Variants in NXN observed in about 807,000 individuals in gnomAD.
NXN encodes the protein nucleoredoxin 1.
In NXN, 16 loss-of-function variants were observed where a neutral mutation model predicts 48.6. The ratio of observed to expected loss-of-function variants is 0.33; its 90% CI spans 0.22 to 0.50. NXN has a LOEUF of 0.50. Ranked by LOEUF, NXN falls within the 20% of genes least tolerant of loss-of-function variation. The pLI is 0.98. For missense variants in NXN, 492 were observed against 605.5 expected, an observed-to-expected ratio of 0.81 and a Z score of 1.97; for synonymous variants, 281 against 269.6, an observed-to-expected ratio of 1.04 and a Z score of -0.41.
chr17:976,670 C>T (rs189354625), intron 1 of NXN, among the ~76,000 whole-genome samples: 3 of 152,088 alleles, frequency 2.0e-5, no homozygotes, highest in African/African-American at 7.2e-5. Flanking sequence ...CATTAGCTCA[C>T]GGGCTTCTAA....
rs574438339 is a variant in NXN, at chr17:824,408, G to A, written c.479-643C>T. Among the ~76,000 whole-genome samples the A allele has an allele frequency of 5.9e-5, 9 of 152,280 alleles. No individual in the cohort carries two copies. In the East Asian group the frequency reaches 1.5e-3, roughly 26 times the overall value. On this transcript the variant is annotated intron_variant, in intron 2 of 7. Transcript: ENST00000336868. ...CACATCCTGAGGCTGGAGACCCAGG[G>A]GCAACGCAAAGATGTACGTGCAAAA... is the stretch of plus-strand genomic sequence containing the variant.
chr17:890,352 G>A (rs1166774033), intron 1 of NXN, among the ~76,000 whole-genome samples: 1 of 152,024 alleles, frequency 6.6e-6, no homozygotes, highest in African/African-American at 2.4e-5. Context: ...CCAGCCCAAA[G>A]ATGCACCCAC....
intron 1 of NXN, among the ~76,000 whole-genome samples, chr17:954,153 G>A (rs999234399): frequency 2.0e-5 from 3 of 152,056 alleles, no homozygotes; most frequent in Admixed American, 6.6e-5. Flanking sequence ...CGAGGTGGGC[G>A]GATCACCTGA....
intron 5 of NXN, among the ~76,000 whole-genome samples, chr17:812,004 T>C (rs531492188): frequency 7.3e-5 from 10 of 137,752 alleles, no homozygotes; most frequent in South Asian, 4.8e-4. Flanking sequence ...CTCGGCTCAC[T>C]GCAAGCTCCG....
intron 5 of NXN, among the ~76,000 whole-genome samples, chr17:805,945 G>C (rs1555607949): frequency 6.6e-6 from 1 of 152,118 alleles, no homozygotes; most frequent in Non-Finnish European, 1.5e-5. Flanking sequence ...CCAGCTGCTG[G>C]GGGTCAAACA....
At chr17:950,817 G>A (rs886100722) in intron 1 of NXN, among the ~76,000 whole-genome samples, 3 of 151,452 alleles carry the variant, frequency 2.0e-5, no homozygotes, top group Non-Finnish European at 2.9e-5. Context: ...GGAAAGAGTC[G>A]GACGAAATGG....
At chr17:897,274 T>G (rs1785277497) in intron 1 of NXN, among the ~76,000 whole-genome samples, 1 of 152,188 alleles carries the variant, frequency 6.6e-6, no homozygotes. Context: ...GGCAGCTGCG[T>G]GGACATCAAA....
intron 1 of NXN, among the ~76,000 whole-genome samples, chr17:934,685 C>T (rs1349213459): frequency 6.6e-6 from 1 of 151,680 alleles, no homozygotes; most frequent in East Asian, 2.0e-4. Context: ...ACCAGCCTGG[C>T]CAACACGGTG....
intron 1 of NXN, among the ~76,000 whole-genome samples, chr17:871,896 TTCCTGGGAAAC>T (rs1462791977): frequency 6.6e-6 from 1 of 151,984 alleles, no homozygotes; most frequent in Non-Finnish European, 1.5e-5. Flanking sequence ...TTTGCTTTAT[TTCCTGGGAAAC>T]TCGGGGGTGA....
Position 841,702 on chromosome 17 carries a change from C to T in NXN, c.361-15624G>A, listed in dbSNP as rs116170559. Among the ~76,000 whole-genome samples the T allele has an allele frequency of 1.2e-4, 16 of 137,806 alleles. 4 individuals are homozygous for T. Among genetic ancestry groups the T allele is most frequent in the South Asian group, 4.4e-4 (2 of 4,584 alleles). 90.4% of individuals were successfully genotyped at this position (137,806 alleles called of 152,430 possible). On this transcript the variant is annotated intron_variant, in intron 1 of 7. Transcript: ENST00000336868. ...ACCCTGACCATGGCACATCTCACGCCGGTGAGCAGGTCCACCCTGACAAAG... is the reference window on the plus strand; with the variant it reads ...ACCCTGACCATGGCACATCTCACGCTGGTGAGCAGGTCCACCCTGACAAAG...
chr17:940,632 C>G (rs1351533195), intron 1 of NXN, among the ~76,000 whole-genome samples: 1 of 152,068 alleles, frequency 6.6e-6, no homozygotes, highest in African/African-American at 2.4e-5. Context: ...AACAAGATTC[C>G]AGGGCACAGC....
intron 1 of NXN, among the ~76,000 whole-genome samples, chr17:839,770 T>C (rs1225389110): frequency 7.6e-6 from 1 of 132,220 alleles, no homozygotes; most frequent in East Asian, 2.4e-4. Flanking sequence ...GCCACTGCAC[T>C]CCAGCCTGGC....
chr17:903,763 T>G (rs2068557866), intron 1 of NXN, among the ~76,000 whole-genome samples: 1 of 152,172 alleles, frequency 6.6e-6, no homozygotes, highest in Non-Finnish European at 1.5e-5. Context: ...ATTTTCCAGA[T>G]AGAACACTGA....
chr17:803,725 G>T lies in NXN; in HGVS notation c.1082C>A (p.Ala361Asp). 6.2e-7 allele frequency: 1 copy of T among 1,614,184 alleles called. No homozygotes were observed. The highest frequency in any genetic ancestry group is 1.3e-5 in the African/African-American group (1 of 75,048). ...CAGAAGGGGTGCCTCCTCCTCTTTGGCTTTGTACTTGGCAATGATTTTCTC... is the reference window on the plus strand; with the variant it reads ...CAGAAGGGGTGCCTCCTCCTCTTTGTCTTTGTACTTGGCAATGATTTTCTC... ...IAEKIIAKYK[A>D]KEEEAPLLFF... The change falls in exon 7 of 8, where the codon GCC becomes GAC. Residue 361 changes from alanine to aspartate, a missense_variant. By Grantham distance (126) the Ala-to-Asp change is moderately radical. Around this residue, in one of 3 missense-constraint regions of NXN, gnomAD observed 303 missense variants for 388.3 expected, o/e 0.78. Transcript: ENST00000336868.
chr17:874,300 C>T (rs2068191298), intron 1 of NXN, among the ~76,000 whole-genome samples: 1 of 152,122 alleles, frequency 6.6e-6, no homozygotes, highest in Non-Finnish European at 1.5e-5. Context: ...TATAAATTAC[C>T]CAGTCTCAGC....
intron 1 of NXN, among the ~76,000 whole-genome samples, chr17:904,385 A>C (rs1322326231): frequency 1.3e-5 from 2 of 152,148 alleles, no homozygotes; most frequent in African/African-American, 2.4e-5. Context: ...CACACGTCGG[A>C]AAAAGCTTAT....
intron 1 of NXN, among the ~76,000 whole-genome samples, chr17:868,620 T>C (rs1023803505): frequency 2.6e-5 from 4 of 152,052 alleles, no homozygotes; most frequent in African/African-American, 9.7e-5. Context: ...GCCTCCCGAG[T>C]AGCTGGGACA....
At chr17:915,226 A>T (rs11657023) in intron 1 of NXN, among the ~76,000 whole-genome samples, 1 of 151,988 alleles carries the variant, frequency 6.6e-6, no homozygotes, top group Non-Finnish European at 1.5e-5. Context: ...GAGCCACTGC[A>T]CCCGGCCAGT....
chr17:897,052 C>A (rs1031857136), intron 1 of NXN: 9 of 1,076,026 alleles, frequency 8.4e-6, no homozygotes, highest in Non-Finnish European at 1.0e-5. Flanking sequence ...GTCACTGTCA[C>A]ACACGCGTGA....
Sources: allele counts gnomAD v4.1 joint callset (sites outside exome capture counted in the v4.1 genomes callset), GRCh38; gene constraint gnomAD v4.1.1; regional missense constraint gnomAD v4.1.1; transcripts MANE v1.5; gene names NCBI Gene and HGNC (gene_info 2026-07-23, HGNC 2026-07-21).